Variants in STAG1 observed in about 807,000 individuals in gnomAD.
STAG1 encodes STAG1 cohesin complex component, also known as cohesin subunit SA-1.
In STAG1, 26 loss-of-function variants were observed where a neutral mutation model predicts 170.9. That is an observed-to-expected ratio of 0.15 (90% CI 0.11 to 0.21). STAG1 has a LOEUF of 0.21. Ranked by LOEUF, STAG1 falls within the 10% of genes least tolerant of loss-of-function variation. STAG1 has a pLI of 1.00. For missense variants in STAG1, 964 were observed against 1,509.5 expected (o/e 0.64, Z 5.99); for synonymous variants, 514 against 497.7 (o/e 1.03, Z -0.44).
intron 13 of STAG1, among the ~76,000 whole-genome samples, chr3:136,455,310 G>A (rs1430471632): frequency 6.6e-6 from 1 of 152,044 alleles, no homozygotes; most frequent in Non-Finnish European, 1.5e-5. Context: ...AAACCCTCTG[G>A]GCCCACAGAA....
chr3:136,504,125 G>C (rs567383185), intron 7 of STAG1, among the ~76,000 whole-genome samples: 1 of 152,050 alleles, frequency 6.6e-6, no homozygotes, highest in East Asian at 1.9e-4. Context: ...CTATCTACAC[G>C]TATACTCAAT....
At chr3:136,428,135 T>C (rs1057378210) in intron 16 of STAG1, among the ~76,000 whole-genome samples, 1 of 149,174 alleles carries the variant, frequency 6.7e-6, no homozygotes, top group African/African-American at 2.5e-5. Context: ...GAGAGGTGAG[T>C]ACCACTTTAA....
intron 5 of STAG1, among the ~76,000 whole-genome samples, chr3:136,548,440 T>C (rs953873948): frequency 4.6e-5 from 7 of 152,110 alleles, no homozygotes; most frequent in African/African-American, 1.7e-4. Flanking sequence ...TACTTTTGTA[T>C]CGTATTTTGA....
intron 4 of STAG1, among the ~76,000 whole-genome samples, chr3:136,589,316 T>C (rs957198899): frequency 1.1e-4 from 17 of 151,854 alleles, no homozygotes; most frequent in Admixed American, 5.9e-4. Context: ...CTGACCAACA[T>C]GGTGAAACCC....
intron 13 of STAG1, among the ~76,000 whole-genome samples, chr3:136,464,063 A>C (rs1268821504): frequency 6.6e-6 from 1 of 151,796 alleles, no homozygotes; most frequent in East Asian, 1.9e-4. Flanking sequence ...ATAAGGTTTA[A>C]AAAAAATTAA....
intron 21 of STAG1, among the ~76,000 whole-genome samples, chr3:136,417,393 T>A (rs1369564285): frequency 6.6e-6 from 1 of 152,190 alleles, no homozygotes; most frequent in African/African-American, 2.4e-5. Flanking sequence ...GAAGTCTCTT[T>A]CAGATTAGGC....
intron 1 of STAG1, among the ~76,000 whole-genome samples, chr3:136,704,249 C>A (rs1253143858): frequency 6.6e-6 from 1 of 151,568 alleles, no homozygotes; most frequent in African/African-American, 2.4e-5. Context: ...CAGTATTTCA[C>A]CATGTTGGCC....
At chr3:136,492,408 T>C (rs2090140742) in intron 9 of STAG1, among the ~76,000 whole-genome samples, 1 of 152,166 alleles carries the variant, frequency 6.6e-6, no homozygotes, top group Non-Finnish European at 1.5e-5. Context: ...AGGTGAGTCA[T>C]TAAAATAAAT....
At chr3:136,472,518 A>G in intron 11 of STAG1, 26 bp from the exon 12 acceptor site, 1 of 1,534,712 alleles carries the variant, frequency 6.5e-7, no homozygotes, top group Non-Finnish European at 9.0e-7. Flanking sequence ...TGTAAAACAA[A>G]CCAACTATGA....
chr3:136,640,871 T>C (rs1387631201), intron 1 of STAG1, among the ~76,000 whole-genome samples: 1 of 151,824 alleles, frequency 6.6e-6, no homozygotes, highest in Non-Finnish European at 1.5e-5. Context: ...GACGAGGTTT[T>C]GCCATGTTGG....
chr3:136,734,151 A>T (rs1191108551), intron 1 of STAG1, among the ~76,000 whole-genome samples: 2 of 151,866 alleles, frequency 1.3e-5, no homozygotes, highest in African/African-American at 4.8e-5. Flanking sequence ...AAAACAAAAA[A>T]AATTTTCTGC....
At chr3:136,645,826 A>G (rs1053643851) in intron 1 of STAG1, among the ~76,000 whole-genome samples, 1 of 152,038 alleles carries the variant, frequency 6.6e-6, no homozygotes, top group African/African-American at 2.4e-5. Context: ...AGTGCCATCT[A>G]CTCACTTTCT....
At chr3:136,615,592 C>A (rs1288733966) in intron 3 of STAG1, among the ~76,000 whole-genome samples, 1 of 151,708 alleles carries the variant, frequency 6.6e-6, no homozygotes, top group Non-Finnish European at 1.5e-5. Flanking sequence ...TCCTGGCTAA[C>A]ACGGTGAAAC....
At chr3:136,452,881 T>C (rs1345865620) in intron 13 of STAG1, among the ~76,000 whole-genome samples, 3 of 151,932 alleles carry the variant, frequency 2.0e-5, no homozygotes, top group Non-Finnish European at 2.9e-5. Flanking sequence ...CCTCTGCCTC[T>C]CGGGTTCAAG....
intron 1 of STAG1, among the ~76,000 whole-genome samples, chr3:136,741,599 G>C (rs989121574): frequency 6.6e-6 from 1 of 152,050 alleles, no homozygotes; most frequent in African/African-American, 2.4e-5. Context: ...CTTTTAAGTA[G>C]CTGGGATTAC....
At chr3:136,599,727 A>G (rs1938583930) in intron 4 of STAG1, among the ~76,000 whole-genome samples, 1 of 152,006 alleles carries the variant, frequency 6.6e-6, no homozygotes, top group African/African-American at 2.4e-5. Context: ...TCTCCCTCTC[A>G]TGGCACCTAA....
chr3:136,467,086 C>A (rs978390048), intron 12 of STAG1, among the ~76,000 whole-genome samples: 6 of 152,198 alleles, frequency 3.9e-5, no homozygotes, highest in Non-Finnish European at 7.3e-5. Flanking sequence ...TAGAAAGAAA[C>A]CGCATCAACT....
intron 21 of STAG1, among the ~76,000 whole-genome samples, chr3:136,399,389 T>G (rs1035900342): frequency 6.6e-6 from 1 of 152,186 alleles, no homozygotes; most frequent in Non-Finnish European, 1.5e-5. Context: ...GCAACAGTTA[T>G]TATGGATTAT....
chr3:136,441,307 A>G (rs2088625042), intron 15 of STAG1, among the ~76,000 whole-genome samples: 1 of 152,176 alleles, frequency 6.6e-6, no homozygotes, highest in South Asian at 2.1e-4. Flanking sequence ...TGCTGGGATT[A>G]CAGGCGTGAG....
Sources: allele counts gnomAD v4.1 joint callset (sites outside exome capture counted in the v4.1 genomes callset), GRCh38; gene constraint gnomAD v4.1.1; transcripts MANE v1.5; gene names NCBI Gene and HGNC (gene_info 2026-07-23, HGNC 2026-07-21).